SPATA3: variants seen among roughly 807,000 people sequenced by gnomAD.
SPATA3 encodes spermatogenesis-associated protein 3.
A neutral mutation model predicts 5.7 loss-of-function variants in SPATA3; 6 were observed. That is an observed-to-expected ratio of 1.06 (90% CI 0.58 to 2.09). SPATA3 has a LOEUF of 2.09. Ranked by LOEUF, SPATA3 falls within the 30% of genes most tolerant of loss-of-function variation. The pLI, the probability that SPATA3 is intolerant of heterozygous loss-of-function variation, is 0.00. For synonymous variants in SPATA3, 44 were observed against 48.4 expected (o/e 0.91, Z 0.37); for missense variants, 155 against 130.4 (o/e 1.19, Z -0.92).
intron 2 of SPATA3, among the ~76,000 whole-genome samples, chr2:231,001,936 C>T (rs11676153): frequency 0.36 from 54,771 of 151,762 alleles, 9,989 homozygotes; most frequent in East Asian, 0.46. Context: ...GCATGTGAGC[C>T]GAGTCCAGAA....
downstream of SPATA3, among the ~76,000 whole-genome samples, chr2:231,008,090 A>T (rs562278308): frequency 8.3e-4 from 126 of 152,312 alleles, no homozygotes; most frequent in African/African-American, 2.9e-3. Flanking sequence ...GTGGCCATTG[A>T]GGGCAGCTGA....
At chr2:231,013,380 A>C (rs1692841288) in intron 5 of SPATA3, among the ~76,000 whole-genome samples, 1 of 152,160 alleles carries the variant, frequency 6.6e-6, no homozygotes, top group Non-Finnish European at 1.5e-5. Context: ...TATACATATC[A>C]ATAGTTTATT....
chr2:231,000,636 G>A, intron 2 of SPATA3, 99 bp downstream of exon 2: 2 of 1,193,444 alleles, frequency 1.7e-6, no homozygotes, highest in South Asian at 2.3e-5. Context: ...TTCCTCTTGG[G>A]AATCCCAGGC....
At chr2:231,011,085 A>AAGAAAAG (rs1692773290), downstream of SPATA3, among the ~76,000 whole-genome samples, 1 of 146,092 alleles carries the variant, frequency 6.8e-6, no homozygotes, top group African/African-American at 2.7e-5. Flanking sequence ...AAAAAAAAAA[A>AAGAAAAG]AAAAGAAAAG....
At chr2:231,003,956 T>G (rs1692445870), downstream of SPATA3, 1 of 152,178 alleles carries the variant, frequency 6.6e-6, no homozygotes, top group Non-Finnish European at 1.5e-5. Flanking sequence ...CCCCTTGCCA[T>G]GTCCACACTT....
At chr2:230,996,828 T>C (rs184866693) in intron 1 of SPATA3, among the ~76,000 whole-genome samples, 151 of 152,236 alleles carry the variant, frequency 9.9e-4, no homozygotes, top group Non-Finnish European at 3.5e-4. Flanking sequence ...ATGCAACTGC[T>C]AAAAAATAAA....
At chr2:230,998,549 A>G (rs1052083874) in intron 1 of SPATA3, among the ~76,000 whole-genome samples, 1 of 152,224 alleles carries the variant, frequency 6.6e-6, no homozygotes, top group South Asian at 2.1e-4. Context: ...CAGACACCCT[A>G]TACTTCTTCC....
chr2:231,004,842 T>G (rs540656173), downstream of SPATA3, among the ~76,000 whole-genome samples: 2 of 152,138 alleles, frequency 1.3e-5, no homozygotes, highest in African/African-American at 2.4e-5. Context: ...GTTGGGGGCA[T>G]TGAGTGGAAA....
chr2:231,011,930 A>C (rs1399283913), downstream of SPATA3, among the ~76,000 whole-genome samples: 4 of 152,210 alleles, frequency 2.6e-5, no homozygotes, highest in East Asian at 7.7e-4. Context: ...GCATATACTT[A>C]TTACACCTCA....
chr2:231,002,419 C>A (rs1322663031), intron 2 of SPATA3, among the ~76,000 whole-genome samples: 1 of 152,156 alleles, frequency 6.6e-6, no homozygotes, highest in Non-Finnish European at 1.5e-5. Flanking sequence ...GCAGACTTGA[C>A]CACCTTCCTA....
intron 6 of SPATA3, among the ~76,000 whole-genome samples, chr2:231,016,354 C>T (rs1692935977): frequency 6.6e-6 from 1 of 152,074 alleles, no homozygotes; most frequent in Non-Finnish European, 1.5e-5. Flanking sequence ...CTATGCCCCA[C>T]CACCCACACT....
chr2:230,999,702 C>T lies in SPATA3; in HGVS notation c.791-664C>T, dbSNP rs145879222. 77 of 169,160 alleles carry T rather than the reference C, an allele frequency of 4.6e-4. 1 individual carries two copies. In the South Asian group the frequency reaches 6.3e-3, roughly 14 times the overall value. The allele number at this position is 169,160 out of a possible 1,614,324, so 10.5% of individuals were successfully genotyped here. On this transcript the variant is annotated intron_variant, in intron 1 of 2. Transcript: ENST00000645363. ...GGAGGACAGAAACAGAAAATAGGAT[C>T]GGGACTGGAAACTAGAGCTGTGGTT...
At chr2:231,006,529 A>G (rs1692631647), downstream of SPATA3, among the ~76,000 whole-genome samples, 1 of 151,958 alleles carries the variant, frequency 6.6e-6, no homozygotes, top group Non-Finnish European at 1.5e-5. Context: ...AGAAAGAAAA[A>G]GAAAAGAAAA....
intron 1 of SPATA3, among the ~76,000 whole-genome samples, chr2:230,997,186 G>C (rs1261335221): frequency 3.3e-5 from 5 of 152,232 alleles, no homozygotes; most frequent in Non-Finnish European, 7.3e-5. Context: ...AGTGGGAAGT[G>C]ATTGAATCAC....
chr2:231,016,520 AAAAAGAAG>A (rs1692942986), intron 6 of SPATA3, among the ~76,000 whole-genome samples: 1 of 151,236 alleles, frequency 6.6e-6, no homozygotes, highest in Non-Finnish European at 1.5e-5. Flanking sequence ...AAAAAAAAAA[AAAAAGAAG>A]AAGAAGGTTA....
At chr2:231,004,769 C>T (rs1574663119), downstream of SPATA3, among the ~76,000 whole-genome samples, 1 of 152,240 alleles carries the variant, frequency 6.6e-6, no homozygotes, top group East Asian at 1.9e-4. Context: ...GGTTCCCTAA[C>T]TCCTGATGTC....
chr2:231,007,644 G>A (rs1240324518), downstream of SPATA3, among the ~76,000 whole-genome samples: 1 of 152,230 alleles, frequency 6.6e-6, no homozygotes, highest in Non-Finnish European at 1.5e-5. Context: ...GAGGCCCTGT[G>A]CCCAGGAACA....
At chr2:231,009,681 CG>C (rs1028986408), downstream of SPATA3, among the ~76,000 whole-genome samples, 2 of 152,222 alleles carry the variant, frequency 1.3e-5, no homozygotes, top group African/African-American at 4.8e-5. Context: ...GACCACATGC[CG>C]GAGTCCCTGT....
chr2:231,004,408 A>G (rs1692460755), downstream of SPATA3, among the ~76,000 whole-genome samples: 1 of 152,144 alleles, frequency 6.6e-6, no homozygotes. Context: ...CTTTGGAGTT[A>G]GAGCTGCCGG....
Sources: gnomAD v4.1 joint callset for allele counts (sites outside exome capture counted in the v4.1 genomes callset) on GRCh38, gnomAD v4.1.1 for gene constraint, MANE v1.5 for transcripts, NCBI Gene and HGNC (gene_info 2026-07-23, HGNC 2026-07-21) for gene names.